RAD52: variants seen among roughly 807,000 people sequenced by gnomAD.
RAD52 encodes RAD52 DNA repair protein.
RAD52 carries 47 observed loss-of-function variants against 55.5 expected under a neutral mutation model. The ratio of observed to expected loss-of-function variants is 0.85; its 90% CI spans 0.67 to 1.08. The LOEUF (loss-of-function observed/expected upper bound fraction) is 1.08. Ranked by LOEUF, RAD52 falls within the 50% of genes least tolerant of loss-of-function variation. The pLI, the probability that RAD52 is intolerant of heterozygous loss-of-function variation, is 0.00. For missense variants in RAD52, 468 were observed against 522.8 expected (o/e 0.90, Z 1.02); for synonymous variants, 184 against 198.9 (o/e 0.92, Z 0.63).
intron 10 of RAD52, 71 bp from the exon 11 acceptor site, chr12:914,192 T>C: frequency 6.9e-7 from 1 of 1,452,938 alleles, no homozygotes; most frequent in Non-Finnish European, 9.4e-7. Flanking sequence ...CTGGAAAAAC[T>C]GGCCCTCAGA....
chr12:954,715 T>C (rs1958581943), intron 1 of RAD52, among the ~76,000 whole-genome samples: 1 of 152,204 alleles, frequency 6.6e-6, no homozygotes, highest in African/African-American at 2.4e-5. Flanking sequence ...TAAAATCTCT[T>C]TCTGGTTGTA....
intron 1 of RAD52, chr12:936,908 C>G (rs1207764952): frequency 6.6e-6 from 1 of 152,232 alleles, no homozygotes; most frequent in East Asian, 1.9e-4. Flanking sequence ...TGGGTTATAA[C>G]CAACTGCCCA....
At chr12:953,474 C>T (rs1245522702), upstream of RAD52, among the ~76,000 whole-genome samples, 1 of 152,140 alleles carries the variant, frequency 6.6e-6, no homozygotes, top group Non-Finnish European at 1.5e-5. Context: ...AGCAAGCTGT[C>T]ATTACTTAGT....
At position 966,220 on chromosome 12, in the gene RAD52, GC is replaced by G. The variant is rs569156505; in HGVS notation, c.-19+23588del. Among the ~76,000 whole-genome samples the G allele has an allele frequency of 1.1e-4, 17 of 152,164 alleles. No individual in the cohort carries two copies. The South Asian group carries it at 1.2e-3, about 11-fold the overall frequency. ...GGCCTCAAGAGATCCTCCCACTCCA[GC>G]CTCCCTAAGTGCTGGGATTACATGC... On this transcript the variant is annotated intron_variant, in intron 1 of 11. Transcript: ENST00000430095.
At chr12:922,191 T>TAAAAAAAAAA (rs79763100) in intron 7 of RAD52, among the ~76,000 whole-genome samples, 7 of 81,654 alleles carry the variant, frequency 8.6e-5, no homozygotes, top group East Asian at 3.4e-4. Flanking sequence ...TAGGTTGGCT[T>TAAAAAAAAAA]AAAAAAAAAA....
chr12:944,167 G>C (rs1394140938), intron 1 of RAD52, among the ~76,000 whole-genome samples: 1 of 151,994 alleles, frequency 6.6e-6, no homozygotes, highest in Non-Finnish European at 1.5e-5. Context: ...AGTGAGAAGA[G>C]ATCACCCCAC....
upstream of RAD52, among the ~76,000 whole-genome samples, chr12:954,419 G>A (rs564814583): frequency 7.2e-5 from 11 of 152,254 alleles, no homozygotes; most frequent in African/African-American, 2.6e-4. Context: ...ATCACTTGAG[G>A]TCAGGAGTTT....
intron 1 of RAD52, among the ~76,000 whole-genome samples, chr12:962,952 A>G (rs1311455917): frequency 2.0e-5 from 3 of 152,096 alleles, no homozygotes; most frequent in Non-Finnish European, 2.9e-5. Flanking sequence ...ACGTTTTGCC[A>G]TGTTGCCCAG....
In RAD52 at chr12:932,975, C is replaced by T. The variant is rs2154114981; in HGVS notation, c.84G>A (p.Gln28=). The T allele has an allele frequency of 6.2e-7, 1 of 1,613,800 alleles. No individual in the cohort carries two copies. The highest frequency in any genetic ancestry group is 8.5e-7 in the Non-Finnish European group (1 of 1,179,904). Residue 28 remains glutamine, a splice_region_variant and synonymous_variant, in exon 2 of 12, where the codon CAG becomes CAA. Transcript: ENST00000358495. ...CCCGGCATGAAGGAACCACAGTTAC[C>T]TGTCCAAAGCATAACACTGAGCCGC... The part of the protein sequence containing the change: ...AGGGSVLCFG[Q]CQYTAEEYQA...
chr12:966,866 G>A lies in RAD52; in HGVS notation c.-19+22943C>T, dbSNP rs117334471. ...AGGCCGGCGAGGCTCTCCTTTGAAC[G>A]CGTAGATATTATAACATCTATTTTA... On this transcript the variant is annotated intron_variant, in intron 1 of 11. Coordinates refer to the RAD52 transcript ENST00000430095. Among the ~76,000 whole-genome samples the A allele has an allele frequency of 8.6e-3, 1,307 of 151,808 alleles. 13 individuals carry two copies. Among genetic ancestry groups the A allele is most frequent in the Non-Finnish European group, 0.014 (928 of 67,980 alleles).
intron 1 of RAD52, among the ~76,000 whole-genome samples, chr12:940,074 CAA>C (rs1245222246): frequency 1.6e-5 from 2 of 128,608 alleles, no homozygotes. Flanking sequence ...GACTCTGTCT[CAA>C]AAAAAAAAAG....
intron 1 of RAD52, among the ~76,000 whole-genome samples, chr12:933,450 C>G (rs564582408): frequency 1.3e-3 from 169 of 130,792 alleles, no homozygotes; most frequent in Non-Finnish European, 2.1e-3. Context: ...GAGCGAGACT[C>G]CATTTCAGGA....
chr12:914,825 G>A (rs904964378), intron 9 of RAD52, among the ~76,000 whole-genome samples: 7 of 3,074 alleles, frequency 2.3e-3, no homozygotes, highest in Admixed American at 0.015. Flanking sequence ...TGTCTGGCTC[G>A]CTTGTTAACA....
At chr12:987,537 A>G (rs979097734) in intron 1 of RAD52, among the ~76,000 whole-genome samples, 2 of 148,272 alleles carry the variant, frequency 1.3e-5, no homozygotes, top group South Asian at 4.3e-4. Flanking sequence ...CACAATTTCC[A>G]CCCCTTTGTA....
chr12:925,691 T>C (rs1303673024), intron 6 of RAD52, among the ~76,000 whole-genome samples, 166 bp from the exon 7 acceptor site: 1 of 152,190 alleles, frequency 6.6e-6, no homozygotes, highest in East Asian at 1.9e-4. Context: ...AGCATGTTCC[T>C]GCACTGTGTT....
At chr12:916,238 C>A in intron 9 of RAD52, 106 bp downstream of exon 9, 1 of 1,521,670 alleles carries the variant, frequency 6.6e-7, no homozygotes, top group Non-Finnish European at 8.7e-7. Flanking sequence ...CCCAGCGAGG[C>A]CTGGTTTGGA....
exon 1 of RAD52, chr12:989,971 T>C (rs1959164902): frequency 6.6e-6 from 1 of 152,082 alleles, no homozygotes; most frequent in South Asian, 2.1e-4. Flanking sequence ...TTGGTAGTCA[T>C]ATGTGGGAAG....
At chr12:966,342 C>G (rs1958768236) in intron 1 of RAD52, among the ~76,000 whole-genome samples, 1 of 152,126 alleles carries the variant, frequency 6.6e-6, no homozygotes. Flanking sequence ...TACTTGACTT[C>G]CTTATTCCTG....
At chr12:929,640 T>A in intron 5 of RAD52, 179 bp downstream of exon 5, 1 of 784,974 alleles carries the variant, frequency 1.3e-6, no homozygotes, top group South Asian at 1.4e-5. Context: ...AGAACAGTTT[T>A]TCCATTCTTT....
Sources: allele counts gnomAD v4.1 joint callset (sites outside exome capture counted in the v4.1 genomes callset), GRCh38; gene constraint gnomAD v4.1.1; transcripts MANE v1.5; gene names NCBI Gene and HGNC (gene_info 2026-07-23, HGNC 2026-07-21).